Variants in PCDH9 observed in about 807,000 individuals in gnomAD.
PCDH9 encodes the protein protocadherin-9.
PCDH9 carries 24 observed loss-of-function variants against 70.6 expected under a neutral mutation model. The ratio of observed to expected loss-of-function variants is 0.34; its 90% confidence interval spans 0.25 to 0.48. The LOEUF (loss-of-function observed/expected upper bound fraction) is 0.48, where lower values mean the gene tolerates loss of function less well. Ranked by LOEUF, PCDH9 falls within the 20% of genes least tolerant of loss-of-function variation. The pLI is 0.99. For synonymous variants in PCDH9, 562 were observed against 558.5 expected (o/e 1.01, Z -0.09); for missense variants, 1,281 against 1,503.6 (o/e 0.85, Z 2.45).
intron 2 of PCDH9, among the ~76,000 whole-genome samples, chr13:67,155,394 G>C (rs2087784371): frequency 6.6e-6 from 1 of 152,170 alleles, no homozygotes; most frequent in African/African-American, 2.4e-5. Flanking sequence ...TCAGAGGTTA[G>C]AATGTTCCAT....
chr13:66,536,592 A>G lies in PCDH9; in HGVS notation c.3340+94618T>C, dbSNP rs183196623. 1.1e-3 allele frequency among the ~76,000 whole-genome samples: 165 copies of G among 152,268 alleles called. 1 individual carries two copies. The highest frequency in any genetic ancestry group is 3.9e-3 in the African/African-American group (161 of 41,576). ...GATATTTTTGTATTTTCAAGACAATACAAATACAAATGACCAAGAATAACT... is the reference window on the plus strand; with the variant it reads ...GATATTTTTGTATTTTCAAGACAATGCAAATACAAATGACCAAGAATAACT... On this transcript the variant is annotated intron_variant, in intron 4 of 4. Coordinates refer to ENST00000377865, the MANE Select transcript of PCDH9 (RefSeq NM_203487.3).
At chr13:66,943,939 C>T (rs7995710) in intron 2 of PCDH9, among the ~76,000 whole-genome samples, 88,707 of 151,732 alleles carry the variant, frequency 0.58, 27,218 homozygotes, top group East Asian at 0.85. Flanking sequence ...AACTGCATGA[C>T]CCTGGCTCTA....
intron 3 of PCDH9, among the ~76,000 whole-genome samples, chr13:66,747,065 G>C (rs1375636088): frequency 3.9e-5 from 6 of 152,152 alleles, no homozygotes; most frequent in Admixed American, 3.9e-4. Flanking sequence ...TATGTGACAT[G>C]ACCTGGCTGG....
chr13:67,092,744 A>C (rs2086243228), intron 2 of PCDH9, among the ~76,000 whole-genome samples: 1 of 152,222 alleles, frequency 6.6e-6, no homozygotes, highest in Admixed American at 6.5e-5. Context: ...ACAATGAGAA[A>C]TATCCTAGGA....
chr13:66,762,226 G>A (rs1001905644), intron 3 of PCDH9, among the ~76,000 whole-genome samples: 1 of 152,082 alleles, frequency 6.6e-6, no homozygotes, highest in Non-Finnish European at 1.5e-5. Context: ...GGCTGCTAAA[G>A]CCTGCCAGTT....
chr13:66,723,628 A>G (rs1447021173), intron 3 of PCDH9, among the ~76,000 whole-genome samples: 1 of 152,234 alleles, frequency 6.6e-6, no homozygotes, highest in Non-Finnish European at 1.5e-5. Context: ...GGGCAAAACC[A>G]TAAATCATAA....
chr13:66,779,666 CA>C (rs1374111268), intron 3 of PCDH9, among the ~76,000 whole-genome samples: 1 of 151,732 alleles, frequency 6.6e-6, no homozygotes, highest in Non-Finnish European at 1.5e-5. Context: ...ACTAAAAATA[CA>C]AAAATTAGCT....
At chr13:67,170,288 A>G (rs1288829885) in intron 2 of PCDH9, among the ~76,000 whole-genome samples, 1 of 152,220 alleles carries the variant, frequency 6.6e-6, no homozygotes, top group Non-Finnish European at 1.5e-5. Flanking sequence ...AGCTCATATA[A>G]CATAGCTGTA....
At chr13:66,434,462 C>T (rs1329637932) in intron 4 of PCDH9, among the ~76,000 whole-genome samples, 1 of 151,988 alleles carries the variant, frequency 6.6e-6, no homozygotes, top group East Asian at 1.9e-4. Flanking sequence ...TGCTTATATT[C>T]TGCCTCTAAA....
chr13:67,085,494 C>G (rs1417550753), intron 2 of PCDH9, among the ~76,000 whole-genome samples: 1 of 152,110 alleles, frequency 6.6e-6, no homozygotes, highest in Non-Finnish European at 1.5e-5. Context: ...TCATTTTCAT[C>G]ACTTATAAGT....
chr13:66,337,362 C>T (rs1163992580), intron 4 of PCDH9, among the ~76,000 whole-genome samples: 1 of 151,952 alleles, frequency 6.6e-6, no homozygotes, highest in East Asian at 1.9e-4. Flanking sequence ...TAAAGGATAA[C>T]TCTTCTTTGA....
chr13:66,767,648 C>CT (rs1318262668), intron 3 of PCDH9, among the ~76,000 whole-genome samples: 1 of 151,958 alleles, frequency 6.6e-6, no homozygotes, highest in Non-Finnish European at 1.5e-5. Flanking sequence ...GTTCCTGTAA[C>CT]TTTTTTCTAA....
intron 2 of PCDH9, among the ~76,000 whole-genome samples, chr13:66,942,513 A>G (rs1365600810): frequency 6.6e-6 from 1 of 151,978 alleles, no homozygotes; most frequent in African/African-American, 2.4e-5. Context: ...GTAGATAATT[A>G]AAAAAGAAGA....
intron 2 of PCDH9, among the ~76,000 whole-genome samples, chr13:67,173,798 C>A (rs988537609): frequency 4.6e-5 from 7 of 152,070 alleles, no homozygotes; most frequent in African/African-American, 1.2e-4. Context: ...AAACAGAATC[C>A]CACCACCCTC....
chr13:66,704,513 ATGACAATAAGGTAAGTCTC>A lies in PCDH9; in HGVS notation c.3139-73121_3139-73103del. On this transcript the variant is annotated intron_variant, in intron 3 of 4. Transcript: ENST00000377865. ...TTCCTAAACTTAAAATGAAAAAAGA[ATGACAATAAGGTAAGTCTC>A]TGACACTTGAGAAAACTAAATTTAA... 5.9e-5 allele frequency among the ~76,000 whole-genome samples: 9 copies of A among 152,326 alleles called. 1 individual carries two copies. The highest frequency in any genetic ancestry group is 5.9e-4 in the Admixed American group (9 of 15,306).
chr13:66,637,453 TAATA>T (rs1368128618), intron 3 of PCDH9, among the ~76,000 whole-genome samples: 1 of 152,190 alleles, frequency 6.6e-6, no homozygotes, highest in Admixed American at 6.5e-5. Context: ...TTTCTAGTGG[TAATA>T]AATAAAATAC....
At chr13:66,534,130 T>A (rs1249656043) in intron 4 of PCDH9, among the ~76,000 whole-genome samples, 8 of 152,104 alleles carry the variant, frequency 5.3e-5, no homozygotes, top group Admixed American at 6.6e-5. Context: ...AGCTACCATG[T>A]CACACTGATA....
At chr13:66,716,203 A>G (rs765930793) in intron 3 of PCDH9, among the ~76,000 whole-genome samples, 22 of 152,222 alleles carry the variant, frequency 1.4e-4, no homozygotes, top group Non-Finnish European at 2.9e-4. Context: ...TTTGTCTGGA[A>G]GATTATCTGC....
At chr13:67,088,597 G>A (rs1017768471) in intron 2 of PCDH9, among the ~76,000 whole-genome samples, 9 of 151,984 alleles carry the variant, frequency 5.9e-5, no homozygotes, top group African/African-American at 1.9e-4. Context: ...CCTAAAGAGG[G>A]AGAGTTATTA....
Sources: allele counts gnomAD v4.1 joint callset (sites outside exome capture counted in the v4.1 genomes callset), GRCh38; gene constraint gnomAD v4.1.1; transcripts MANE v1.5; gene names NCBI Gene and HGNC (gene_info 2026-07-23, HGNC 2026-07-21).